ADAMTSL3: variants seen among roughly 807,000 people sequenced by gnomAD.
ADAMTSL3 encodes ADAMTS like 3.
A neutral mutation model predicts 201.7 loss-of-function variants in ADAMTSL3; 128 were observed. That is an observed-to-expected ratio of 0.63 (90% CI 0.55 to 0.73). The LOEUF is 0.73. Ranked by LOEUF, ADAMTSL3 falls within the 30% of genes least tolerant of loss-of-function variation. The probability of loss-of-function intolerance (pLI) is 0.00; values close to 1 mark genes in which losing one functional copy is unlikely to be tolerated. For missense variants in ADAMTSL3, 1,990 were observed against 2,119.6 expected (o/e 0.94, Z 1.20); for synonymous variants, 738 against 748.4 (o/e 0.99, Z 0.23).
chr15:83,863,429 T>A (rs1390682564), intron 8 of ADAMTSL3, among the ~76,000 whole-genome samples: 1 of 152,214 alleles, frequency 6.6e-6, no homozygotes, highest in Admixed American at 6.5e-5. Context: ...CAGACCACAG[T>A]GCAATCAAAC....
chr15:83,905,415 T>A (rs991558466), intron 15 of ADAMTSL3, among the ~76,000 whole-genome samples: 4 of 152,120 alleles, frequency 2.6e-5, no homozygotes, highest in Non-Finnish European at 5.9e-5. Flanking sequence ...GCAGGCTCAC[T>A]GGCCCATGTA....
chr15:83,885,256 A>G (rs2065363427), intron 10 of ADAMTSL3, 44 bp downstream of exon 10: 13 of 1,452,436 alleles, frequency 9.0e-6, no homozygotes, highest in Non-Finnish European at 1.2e-5. Flanking sequence ...GCTCAGAGTT[A>G]GATAAATTAG....
chr15:83,701,359 A>T (rs1367074577), intron 2 of ADAMTSL3, among the ~76,000 whole-genome samples: 1 of 152,176 alleles, frequency 6.6e-6, no homozygotes, highest in African/African-American at 2.4e-5. Context: ...GTGTGATGGT[A>T]GCAAGTCCAT....
At chr15:83,956,767 C>T (rs1567263012) in intron 19 of ADAMTSL3, among the ~76,000 whole-genome samples, 1 of 152,152 alleles carries the variant, frequency 6.6e-6, no homozygotes, top group African/African-American at 2.4e-5. Flanking sequence ...CATTTCTGCA[C>T]ATGTTTGTAT....
intron 23 of ADAMTSL3, among the ~76,000 whole-genome samples, chr15:84,008,005 A>G (rs1328483789): frequency 6.6e-6 from 1 of 152,024 alleles, no homozygotes; most frequent in African/African-American, 2.4e-5. Context: ...TTCTCTCTTG[A>G]ATCCACTCCA....
intron 3 of ADAMTSL3, among the ~76,000 whole-genome samples, chr15:83,711,469 G>C (rs562561343): frequency 1.3e-5 from 2 of 152,192 alleles, no homozygotes; most frequent in African/African-American, 4.8e-5. Flanking sequence ...TCTGGCCTGT[G>C]TGTATAATAT....
intron 6 of ADAMTSL3, among the ~76,000 whole-genome samples, chr15:83,828,862 A>G (rs1032804839): frequency 3.3e-5 from 5 of 152,162 alleles, no homozygotes; most frequent in Non-Finnish European, 7.4e-5. Flanking sequence ...AGCCTTGCAT[A>G]GCAGGGATGA....
At chr15:83,845,540 A>T (rs756300434) in intron 7 of ADAMTSL3, among the ~76,000 whole-genome samples, 8 of 152,164 alleles carry the variant, frequency 5.3e-5, no homozygotes, top group Non-Finnish European at 1.2e-4. Flanking sequence ...ACTTACTGCG[A>T]CCTCAACTTT....
Position 83,982,970 on chromosome 15 carries a change from T to C in ADAMTSL3, c.3342T>C (p.Asp1114=), listed in dbSNP as rs745957996. The stretch of plus-strand genomic sequence containing the variant: ...TCATGGAAACCGGAGAGGTCAGCGA[T>C]GATCTTGCGTCCCAGCTGATATATC... ...SQLMETGEVS[D]DLASQLIYQL... The change falls in exon 21 of 30, where the codon GAT becomes GAC. Residue 1114 remains aspartate (D), a synonymous_variant. Coordinates refer to ENST00000286744, the MANE Select transcript of ADAMTSL3 (RefSeq NM_207517.3). 2.5e-6 allele frequency: 4 copies of C among 1,614,034 alleles called. No homozygotes were observed. The South Asian group carries it at 4.4e-5, about 18-fold the overall frequency.
At chr15:83,714,893 C>CT (rs2061993487) in intron 3 of ADAMTSL3, among the ~76,000 whole-genome samples, 1 of 41,044 alleles carries the variant, frequency 2.4e-5, no homozygotes, top group Non-Finnish European at 3.9e-5. Flanking sequence ...TTCCTTCCTT[C>CT]CTTCCTTCCT....
chr15:83,822,531 T>C (rs1404026846), intron 6 of ADAMTSL3, among the ~76,000 whole-genome samples: 27 of 90,648 alleles, frequency 3.0e-4, no homozygotes, highest in South Asian at 8.2e-4. Context: ...TGCGGCCGGG[T>C]AGAGGCGCTC....
Position 83,762,996 on chromosome 15 carries a change from C to T in ADAMTSL3, c.190-10527C>T, listed in dbSNP as rs181351889. Among the ~76,000 whole-genome samples the T allele has an allele frequency of 7.2e-5, 11 of 152,166 alleles. No individual in the cohort carries two copies. In the East Asian group the frequency reaches 1.4e-3, roughly 19 times the overall value. On this transcript the variant is annotated intron_variant, in intron 3 of 29. Transcript: ENST00000286744. Reference sequence around the variant, plus strand: ...CTGTCTCCCAGGTTCAAGCAATTCTCGTGCCTCAGCCTCCTGAGTAACTGG... The same window carrying T: ...CTGTCTCCCAGGTTCAAGCAATTCTTGTGCCTCAGCCTCCTGAGTAACTGG...
intron 7 of ADAMTSL3, among the ~76,000 whole-genome samples, chr15:83,854,017 C>T (rs2064679128): frequency 2.0e-5 from 3 of 152,064 alleles, no homozygotes; most frequent in Admixed American, 6.6e-5. Context: ...ACAACACTTA[C>T]TTCTAAGTAT....
Position 83,794,635 on chromosome 15 carries a change from G to A in ADAMTSL3, c.318-10015G>A, listed in dbSNP as rs1472429278. 2.0e-5 allele frequency among the ~76,000 whole-genome samples: 3 copies of A among 151,792 alleles called. No homozygotes were observed. In the East Asian group the frequency reaches 5.9e-4, roughly 30 times the overall value. ...ATTATAGAAATGGAGAACAGTAGTT[G>A]CTAGGTGTTAAGGAAGAGGATAGGG... is the stretch of plus-strand genomic sequence containing the variant. On this transcript the variant is annotated intron_variant, in intron 4 of 29. Coordinates refer to ENST00000286744, the MANE Select transcript of ADAMTSL3 (RefSeq NM_207517.3).
At chr15:83,808,453 G>T (rs1347964007) in intron 5 of ADAMTSL3, among the ~76,000 whole-genome samples, 1 of 152,114 alleles carries the variant, frequency 6.6e-6, no homozygotes, top group African/African-American at 2.4e-5. Flanking sequence ...CACTTAAAAT[G>T]ATTATTATCA....
At chr15:83,758,568 A>G (rs2062756946) in intron 3 of ADAMTSL3, among the ~76,000 whole-genome samples, 2 of 152,226 alleles carry the variant, frequency 1.3e-5, no homozygotes, top group Admixed American at 1.3e-4. Context: ...GTTTTATAAT[A>G]GTCATCCTAA....
intron 4 of ADAMTSL3, among the ~76,000 whole-genome samples, chr15:83,776,673 C>A (rs1193016701): frequency 1.3e-5 from 2 of 152,052 alleles, no homozygotes; most frequent in East Asian, 3.9e-4. Flanking sequence ...GCTGAGATTG[C>A]GCCATTGCAC....
chr15:83,711,702 C>T (rs1271875391), intron 3 of ADAMTSL3, among the ~76,000 whole-genome samples: 1 of 152,234 alleles, frequency 6.6e-6, no homozygotes, highest in Non-Finnish European at 1.5e-5. Context: ...GCACATGCAA[C>T]TGTACATGCT....
At chr15:83,868,705 A>G (rs898276811) in intron 8 of ADAMTSL3, among the ~76,000 whole-genome samples, 1 of 152,174 alleles carries the variant, frequency 6.6e-6, no homozygotes, top group African/African-American at 2.4e-5. Context: ...AATTAAAAAT[A>G]TTTTACAATA....
Sources: gnomAD v4.1 joint callset for allele counts (sites outside exome capture counted in the v4.1 genomes callset) on GRCh38, gnomAD v4.1.1 for gene constraint, MANE v1.5 for transcripts, NCBI Gene and HGNC (gene_info 2026-07-23, HGNC 2026-07-21) for gene names.